DLG2: variants seen among roughly 807,000 people sequenced by gnomAD.
DLG2 encodes the protein disks large homolog 2.
Under a neutral mutation model 132.5 loss-of-function variants are expected in DLG2, and 45 were observed. That is an observed-to-expected ratio of 0.34 (90% CI 0.27 to 0.44). The LOEUF (loss-of-function observed/expected upper bound fraction) is 0.44. Among genes scored for constraint, DLG2 ranks in the 20% least tolerant of loss-of-function variants. The pLI is 1.00. For missense variants in DLG2, 1,045 were observed against 1,196.9 expected (o/e 0.87, Z 1.87); for synonymous variants, 424 against 419.6 (o/e 1.01, Z -0.13).
intron 6 of DLG2, among the ~76,000 whole-genome samples, chr11:84,673,768 T>C (rs1451071932): frequency 2.6e-5 from 4 of 152,050 alleles, no homozygotes; most frequent in African/African-American, 4.8e-5. Context: ...CTCCTTAACA[T>C]CAGAGTCTGC....
At chr11:84,436,120 T>C (rs1457677367) in intron 7 of DLG2, among the ~76,000 whole-genome samples, 1 of 152,168 alleles carries the variant, frequency 6.6e-6, no homozygotes, top group Non-Finnish European at 1.5e-5. Context: ...TAGTTAGGCT[T>C]GTAATCTTTT....
intron 7 of DLG2, among the ~76,000 whole-genome samples, chr11:84,337,319 A>G (rs1203589375): frequency 6.6e-6 from 1 of 152,200 alleles, no homozygotes; most frequent in African/African-American, 2.4e-5. Context: ...ACTTAGCTCA[A>G]TAGTGTACAC....
chr11:85,214,780 T>C (rs1180510214), intron 4 of DLG2, among the ~76,000 whole-genome samples: 1 of 152,196 alleles, frequency 6.6e-6, no homozygotes, highest in Admixed American at 6.6e-5. Flanking sequence ...TTGATTTTTT[T>C]ATATACATAC....
intron 9 of DLG2, among the ~76,000 whole-genome samples, chr11:84,120,021 A>G (rs962250877): frequency 6.6e-6 from 1 of 152,216 alleles, no homozygotes; most frequent in Non-Finnish European, 1.5e-5. Flanking sequence ...GGGACTAGGA[A>G]GAGAATTGGC....
chr11:85,276,658 A>G (rs960102800), intron 4 of DLG2, among the ~76,000 whole-genome samples: 1 of 152,174 alleles, frequency 6.6e-6, no homozygotes, highest in Non-Finnish European at 1.5e-5. Context: ...ACCTAGGACT[A>G]AGCATCTTTT....
chr11:84,884,627 C>G (rs2087917993), intron 6 of DLG2, among the ~76,000 whole-genome samples: 1 of 151,746 alleles, frequency 6.6e-6, no homozygotes, highest in Non-Finnish European at 1.5e-5. Flanking sequence ...TTTTAAATTG[C>G]TCTTTGTAAG....
At chr11:83,501,553 G>A (rs754253301) in intron 21 of DLG2, among the ~76,000 whole-genome samples, 2 of 152,174 alleles carry the variant, frequency 1.3e-5, no homozygotes, top group African/African-American at 2.4e-5. Flanking sequence ...CCAGTTGATC[G>A]CTGAGGATCT....
intron 6 of DLG2, among the ~76,000 whole-genome samples, chr11:84,909,770 C>T (rs1459514199): frequency 1.3e-5 from 2 of 152,186 alleles, no homozygotes; most frequent in African/African-American, 2.4e-5. Flanking sequence ...ATTTTATGTG[C>T]GTTTTTCCTC....
At chr11:84,209,371 TGAATGCAATGCG>T (rs1441580109) in intron 8 of DLG2, among the ~76,000 whole-genome samples, 1 of 152,026 alleles carries the variant, frequency 6.6e-6, no homozygotes, top group African/African-American at 2.4e-5. Flanking sequence ...ACATGACAAA[TGAATGCAATGCG>T]GAATCTCGGA....
chr11:84,250,632 A>G (rs2097359634), intron 8 of DLG2, among the ~76,000 whole-genome samples: 1 of 152,146 alleles, frequency 6.6e-6, no homozygotes, highest in African/African-American at 2.4e-5. Flanking sequence ...GCTGGTCTCC[A>G]ATCTTCCCTG....
At chr11:84,027,806 G>C (rs1367314611) in intron 11 of DLG2, among the ~76,000 whole-genome samples, 1 of 151,932 alleles carries the variant, frequency 6.6e-6, no homozygotes, top group East Asian at 1.9e-4. Context: ...TGGCAGTTCA[G>C]AGTGATATTC....
chr11:85,182,138 A>T (rs1284316371), intron 4 of DLG2, among the ~76,000 whole-genome samples: 2 of 151,950 alleles, frequency 1.3e-5, no homozygotes, highest in African/African-American at 4.8e-5. Context: ...CTAGTGTAGG[A>T]CCTATTTATT....
At chr11:84,540,459 C>T (rs1481874819) in intron 6 of DLG2, among the ~76,000 whole-genome samples, 1 of 152,068 alleles carries the variant, frequency 6.6e-6, no homozygotes, top group African/African-American at 2.4e-5. Flanking sequence ...TCATCACTGG[C>T]CATCAGAGAA....
chr11:84,412,946 A>G (rs2098914719), intron 7 of DLG2, among the ~76,000 whole-genome samples: 1 of 152,210 alleles, frequency 6.6e-6, no homozygotes, highest in South Asian at 2.1e-4. Context: ...TCTTTTATTC[A>G]TCTTGGTAAC....
chr11:83,913,743 G>A (rs1403186503), intron 15 of DLG2, among the ~76,000 whole-genome samples: 1 of 152,060 alleles, frequency 6.6e-6, no homozygotes, highest in Non-Finnish European at 1.5e-5. Flanking sequence ...GTTTCAAAAT[G>A]GAAGCATAAG....
chr11:84,725,876 T>C (rs2062389333), intron 6 of DLG2, among the ~76,000 whole-genome samples: 1 of 152,086 alleles, frequency 6.6e-6, no homozygotes. Flanking sequence ...CAGAAAAGAA[T>C]AAACCTATTA....
chr11:84,060,330 T>C (rs1205198827), intron 10 of DLG2, among the ~76,000 whole-genome samples: 4 of 151,886 alleles, frequency 2.6e-5, no homozygotes, highest in African/African-American at 7.2e-5. Flanking sequence ...AAAATAATAA[T>C]AATAATAAAT....
chr11:85,582,239 T>C (rs1263674382), intron 3 of DLG2, among the ~76,000 whole-genome samples: 1 of 152,082 alleles, frequency 6.6e-6, no homozygotes, highest in Non-Finnish European at 1.5e-5. Flanking sequence ...AGCCAATGAT[T>C]TAGTAGTAGT....
At chr11:84,695,711 C>T (rs979137799) in intron 6 of DLG2, among the ~76,000 whole-genome samples, 1 of 151,408 alleles carries the variant, frequency 6.6e-6, no homozygotes, top group African/African-American at 2.4e-5. Context: ...TACTATTGAA[C>T]AGGAAGAACA....
Sources: gnomAD v4.1 joint callset for allele counts (sites outside exome capture counted in the v4.1 genomes callset) on GRCh38, gnomAD v4.1.1 for gene constraint, MANE v1.5 for transcripts, NCBI Gene and HGNC (gene_info 2026-07-23, HGNC 2026-07-21) for gene names.